The following ACSM5 variants were observed in gnomAD, a reference collection of about 807,000 sequenced individuals.
ACSM5 encodes the protein acyl-CoA synthetase medium chain family member 5.
In ACSM5, 56 loss-of-function variants were observed where a neutral mutation model predicts 71.6. The observed-to-expected ratio is 0.78, with a 90% CI of 0.63 to 0.98. The LOEUF is 0.98. Ranked by LOEUF, ACSM5 falls within the 50% of genes least tolerant of loss-of-function variation. The pLI is 0.00. For synonymous variants in ACSM5, 285 were observed against 281.5 expected (o/e 1.01, Z -0.12); for missense variants, 723 against 726.0 (o/e 1.00, Z 0.05).
At chr16:20,414,825 C>T (rs1432080883) in intron 2 of ACSM5, among the ~76,000 whole-genome samples, 3 of 152,076 alleles carry the variant, frequency 2.0e-5, no homozygotes, top group Non-Finnish European at 4.4e-5. Context: ...TTGCTAGCGA[C>T]ACCTCAAAAA....
chr16:20,424,928 T>G (rs1464630768), intron 6 of ACSM5, among the ~76,000 whole-genome samples: 1 of 152,258 alleles, frequency 6.6e-6, no homozygotes, highest in Non-Finnish European at 1.5e-5. Flanking sequence ...AGGCATGCAA[T>G]GCGTGAAAAT....
intron 7 of ACSM5, among the ~76,000 whole-genome samples, chr16:20,428,188 A>G (rs1012829940): frequency 4.6e-5 from 7 of 152,286 alleles, no homozygotes; most frequent in African/African-American, 1.7e-4. Context: ...TCCTCACACC[A>G]TACACCCATG....
At chr16:20,421,671 A>G (rs2141647925) in intron 5 of ACSM5, among the ~76,000 whole-genome samples, 1 of 144,934 alleles carries the variant, frequency 6.9e-6, no homozygotes, top group East Asian at 2.0e-4. Context: ...ACACACATAT[A>G]TATACATACA....
intron 6 of ACSM5, among the ~76,000 whole-genome samples, chr16:20,424,612 AG>A (rs1388839714): frequency 2.0e-5 from 3 of 152,214 alleles, no homozygotes; most frequent in African/African-American, 7.2e-5. Context: ...TACTGAGATA[AG>A]CTGTATCACA....
intron 10 of ACSM5, 107 bp downstream of exon 10, chr16:20,431,428 G>T: frequency 1.2e-6 from 1 of 866,382 alleles, no homozygotes; most frequent in South Asian, 1.6e-5. Flanking sequence ...GACTGCATGA[G>T]GTAGGTTGCT....
At position 20,435,565 on chromosome 16, in the gene ACSM5, A is replaced by G. The variant is rs539739919; in HGVS notation, c.1309-1487A>G. On this transcript the variant is annotated intron_variant, in intron 10 of 13. Transcript: ENST00000331849. ...TTTTAACACATGTCCGCCCCTGTGT[A>G]ACTGCCACCACAGTCGAATAGGGAA... is the stretch of plus-strand genomic sequence containing the variant. Among the ~76,000 whole-genome samples the G allele has an allele frequency of 6.6e-5, 10 of 152,282 alleles. No homozygotes were observed. In the South Asian group the frequency reaches 1.9e-3, roughly 28 times the overall value.
At chr16:20,418,313 C>T in intron 3 of ACSM5, 44 bp downstream of exon 3, 2 of 1,560,338 alleles carry the variant, frequency 1.3e-6, no homozygotes, top group Non-Finnish European at 1.7e-6. Context: ...GCAGACACAA[C>T]TTGCCAGAGC....
intron 2 of ACSM5, among the ~76,000 whole-genome samples, chr16:20,415,944 G>A (rs1204190313): frequency 6.6e-6 from 1 of 152,008 alleles, no homozygotes; most frequent in Non-Finnish European, 1.5e-5. Flanking sequence ...CGAGTAAGGA[G>A]CAATAAAAAA....
At chr16:20,423,677 C>T (rs1360723809) in intron 5 of ACSM5, among the ~76,000 whole-genome samples, 3 of 152,216 alleles carry the variant, frequency 2.0e-5, no homozygotes, top group African/African-American at 7.2e-5. Flanking sequence ...TTATATATCA[C>T]ATCCACTGGA....
intron 7 of ACSM5, among the ~76,000 whole-genome samples, chr16:20,428,821 C>T (rs367698349): frequency 1.3e-5 from 2 of 152,194 alleles, no homozygotes; most frequent in African/African-American, 4.8e-5. Context: ...ATTTGATCTC[C>T]CCTCTCCTCC....
At chr16:20,416,586 A>G (rs1360631539) in intron 2 of ACSM5, among the ~76,000 whole-genome samples, 1 of 152,216 alleles carries the variant, frequency 6.6e-6, no homozygotes, top group Non-Finnish European at 1.5e-5. Context: ...CTCAAAATGT[A>G]TCAAAGACCT....
At chr16:20,425,282 A>G (rs1332526829) in intron 6 of ACSM5, among the ~76,000 whole-genome samples, 1 of 151,530 alleles carries the variant, frequency 6.6e-6, no homozygotes, top group Non-Finnish European at 1.5e-5. Flanking sequence ...TTCACTTAAC[A>G]TAATGATCTC....
chr16:20,435,336 T>G (rs1217501100), intron 10 of ACSM5, among the ~76,000 whole-genome samples: 1 of 152,200 alleles, frequency 6.6e-6, no homozygotes, highest in Non-Finnish European at 1.5e-5. Flanking sequence ...CCAGGCCGAT[T>G]AAGTCTTTCT....
intron 10 of ACSM5, 138 bp from the exon 11 acceptor site, chr16:20,436,914 T>G: frequency 2.1e-6 from 2 of 933,420 alleles, no homozygotes; most frequent in Non-Finnish European, 3.2e-6. Context: ...ATTGGGGAAC[T>G]CTGGGCAGCC....
At chr16:20,427,626 A>G (rs1388276551) in intron 6 of ACSM5, among the ~76,000 whole-genome samples, 162 bp from the exon 7 acceptor site, 5 of 152,254 alleles carry the variant, frequency 3.3e-5, no homozygotes, top group Admixed American at 1.3e-4. Flanking sequence ...TGCACATGCC[A>G]GGAAGTAGGA....
chr16:20,438,668 C>G lies in ACSM5; in HGVS notation c.1537-1132C>G, dbSNP rs574257908. ...AGTCTGGTGTGTAGAAAGTGCCCAA[C>G]ACATAAGCCGGACACGGTGGCTCAT... is the stretch of plus-strand genomic sequence containing the variant. On this transcript the variant is annotated intron_variant, in intron 12 of 13. Coordinates refer to ENST00000331849, the MANE Select transcript of ACSM5 (RefSeq NM_017888.3). 2.9e-4 allele frequency among the ~76,000 whole-genome samples: 44 copies of G among 151,644 alleles called. 1 individual carries two copies. The highest frequency in any genetic ancestry group is 8.2e-4 in the African/African-American group (34 of 41,452).
In ACSM5 at chr16:20,419,250, G is replaced by C. The variant is rs768561489; in HGVS notation, c.438G>C (p.Val146=). 10 of 1,613,956 alleles carry C rather than the reference G, an allele frequency of 6.2e-6. No homozygotes were observed. Among genetic ancestry groups the C allele is most frequent in the East Asian group, 2.2e-5 (1 of 44,888 alleles). ...CAGGGACTGTGATGATTCCGGGTGT[G>C]ACTCAGCTGACAGAGAAGGACCTCA... ...MRTGTVMIPG[V]TQLTEKDLKY... The change falls in exon 4 of 14, where the codon GTG becomes GTC. Residue 146 remains valine, a synonymous_variant. Transcript: ENST00000331849.
At chr16:20,419,129 A>C in intron 3 of ACSM5, 99 bp from the exon 4 acceptor site, 1 of 1,064,944 alleles carries the variant, frequency 9.4e-7, no homozygotes, top group Non-Finnish European at 1.4e-6. Context: ...CAGCTCATGC[A>C]TTCCAACCCT....
At chr16:20,436,131 T>C in intron 10 of ACSM5, among the ~76,000 whole-genome samples, 1 of 137,242 alleles carries the variant, frequency 7.3e-6, no homozygotes, top group Non-Finnish European at 1.6e-5. Context: ...TTTCCTTCCT[T>C]CCTTTCTTTT....
Sources: allele counts gnomAD v4.1 joint callset (sites outside exome capture counted in the v4.1 genomes callset), GRCh38; gene constraint gnomAD v4.1.1; transcripts MANE v1.5; gene names NCBI Gene and HGNC (gene_info 2026-07-23, HGNC 2026-07-21).